PSAT1: variants seen among roughly 807,000 people sequenced by gnomAD.
The protein encoded by PSAT1 is phosphoserine aminotransferase 1.
Under a neutral mutation model 40.3 loss-of-function variants are expected in PSAT1, and 41 were observed. The ratio of observed to expected loss-of-function variants is 1.02; its 90% CI spans 0.79 to 1.32. PSAT1 has a LOEUF of 1.32. Among genes scored for constraint, PSAT1 ranks in the 40% most tolerant of loss-of-function variants. PSAT1 has a pLI of 0.00. For synonymous variants in PSAT1, 147 were observed against 170.5 expected (o/e 0.86, Z 1.07); for missense variants, 406 against 455.8 (o/e 0.89, Z 0.99).
rs1267674988 is a variant in PSAT1, at chr9:78,298,493, T to C, written c.60+1223T>C. 9.5e-6 allele frequency: 9 copies of C among 944,742 alleles called. No homozygotes were observed. In the East Asian group the frequency reaches 8.1e-4, roughly 86 times the overall value. 58.5% of individuals were successfully genotyped at this position (944,742 alleles called of 1,614,324 possible). On this transcript the variant is annotated intron_variant, in intron 1 of 8. Transcript: ENST00000376588. ...CTGAGAGGACAGGGCTTATTTTTTC[T>C]CAGTGGTTACAGTTCATTTTAGGCG...
At chr9:78,317,347 G>A (rs546065895) in intron 6 of PSAT1, among the ~76,000 whole-genome samples, 4 of 152,194 alleles carry the variant, frequency 2.6e-5, no homozygotes, top group African/African-American at 9.6e-5. Context: ...CGAACCCCTG[G>A]GCTCAAGCAT....
intron 6 of PSAT1, among the ~76,000 whole-genome samples, chr9:78,316,102 A>C (rs540669622): frequency 1.3e-5 from 2 of 152,224 alleles, no homozygotes; most frequent in East Asian, 3.9e-4. Flanking sequence ...TCTTAAGGAG[A>C]GGGGTTTTCA....
intron 6 of PSAT1, among the ~76,000 whole-genome samples, chr9:78,312,510 A>G (rs1199103861): frequency 6.6e-6 from 1 of 152,034 alleles, no homozygotes; most frequent in Non-Finnish European, 1.5e-5. Context: ...ACCCTGACCA[A>G]CATGGACAAA....
At chr9:78,298,744 A>C (rs1461823413) in intron 1 of PSAT1, among the ~76,000 whole-genome samples, 1 of 152,146 alleles carries the variant, frequency 6.6e-6, no homozygotes, top group Non-Finnish European at 1.5e-5. Context: ...GTGAGGGGGC[A>C]GGCAGATGTT....
In PSAT1 at chr9:78,329,538, T is replaced by G. The variant is rs907027317; in HGVS notation, c.*452T>G. The G allele has an allele frequency of 4.7e-6, 1 of 211,034 alleles. No homozygotes were observed. The highest frequency in any genetic ancestry group is 5.3e-5 in the Admixed American group (1 of 18,850). 13.1% of individuals were successfully genotyped at this position (211,034 alleles called of 1,614,324 possible). A position where few individuals can be genotyped will look rare whatever the true frequency, so the allele number is the denominator to read the frequency against. On this transcript the variant is annotated 3_prime_UTR_variant, in exon 9 of 9. Coordinates refer to ENST00000376588, the MANE Select transcript of PSAT1 (RefSeq NM_058179.4). ...GTTGATTCAAGGTCAACATTGACCA[T>G]TGGAGGAGTGGTTTAAGAGTGCCAG...
At position 78,300,635 on chromosome 9, in the gene PSAT1, T is replaced by C. The variant is rs373736401; in HGVS notation, c.94T>C (p.Tyr32His). The C allele has an allele frequency of 5.6e-6, 9 of 1,604,848 alleles. No individual in the cohort carries two copies. The African/African-American group carries it at 1.1e-4, about 19-fold the overall frequency. The change falls in exon 2 of 9, where the codon TAC becomes CAC. Residue 32 changes from tyrosine to histidine, a missense_variant. Transcript: ENST00000376588. ...LLEIQKELLD[Y>H]KGVGISVLEM... ...AGAGATACAAAAGGAATTATTAGACTACAAAGGAGTTGGCATTAGTGTTCT... is the reference window on the plus strand; with the variant it reads ...AGAGATACAAAAGGAATTATTAGACCACAAAGGAGTTGGCATTAGTGTTCT...
At chr9:78,323,608 G>A (rs1036780472) in intron 7 of PSAT1, among the ~76,000 whole-genome samples, 10 of 151,848 alleles carry the variant, frequency 6.6e-5, no homozygotes, top group Non-Finnish European at 1.5e-4. Flanking sequence ...AACTACAAGA[G>A]TTATATATAC....
At chr9:78,312,557 A>C (rs1313544115) in intron 6 of PSAT1, among the ~76,000 whole-genome samples, 1 of 152,054 alleles carries the variant, frequency 6.6e-6, no homozygotes, top group East Asian at 1.9e-4. Flanking sequence ...TTAGCCAGGC[A>C]TGGTGGCACA....
At chr9:78,304,690 A>G in intron 3 of PSAT1, 45 bp from the exon 4 acceptor site, 1 of 1,545,088 alleles carries the variant, frequency 6.5e-7, no homozygotes, top group Non-Finnish European at 9.0e-7. Flanking sequence ...TCAATCTTTG[A>G]CCACATGAGT....
At chr9:78,314,277 G>T (rs1215190426) in intron 6 of PSAT1, among the ~76,000 whole-genome samples, 1 of 142,604 alleles carries the variant, frequency 7.0e-6, no homozygotes, top group Non-Finnish European at 1.6e-5. Context: ...AGAGGGCTGG[G>T]TGGGAGGGGA....
intron 7 of PSAT1, 21 bp from the exon 8 acceptor site, chr9:78,328,030 A>G: frequency 6.2e-7 from 1 of 1,607,790 alleles, no homozygotes; most frequent in Non-Finnish European, 8.5e-7. Context: ...AAGTAGCTGG[A>G]ATAATAAACA....
intron 6 of PSAT1, among the ~76,000 whole-genome samples, chr9:78,314,072 G>T (rs1225279398): frequency 1.3e-5 from 2 of 152,186 alleles, no homozygotes; most frequent in African/African-American, 4.8e-5. Context: ...AGAAATGAAG[G>T]CATAAGTCTT....
At chr9:78,297,363 C>A in intron 1 of PSAT1, 93 bp downstream of exon 1, 1 of 1,416,344 alleles carries the variant, frequency 7.1e-7, no homozygotes, top group South Asian at 1.2e-5. Flanking sequence ...GTCGGATTCC[C>A]GCTCCCTGCC....
At chr9:78,301,810 T>A (rs1305673314) in intron 2 of PSAT1, 144 bp from the exon 3 acceptor site, 3 of 712,208 alleles carry the variant, frequency 4.2e-6, no homozygotes, top group Non-Finnish European at 7.6e-6. Context: ...TCCCCTAAAC[T>A]AAGTGAGCCT....
chr9:78,328,276 A>C, intron 8 of PSAT1, 88 bp downstream of exon 8: 1 of 1,514,886 alleles, frequency 6.6e-7, no homozygotes, highest in African/African-American at 1.4e-5. Flanking sequence ...GAGCCTGCTT[A>C]GCTTGGAGTA....
chr9:78,320,265 T>C (rs1160192372), intron 7 of PSAT1, among the ~76,000 whole-genome samples: 3 of 145,076 alleles, frequency 2.1e-5, no homozygotes, highest in South Asian at 2.3e-4. Context: ...GTCCACCCAT[T>C]CATCCATCCA....
At chr9:78,297,330 G>T in intron 1 of PSAT1, 60 bp downstream of exon 1, 1 of 1,537,566 alleles carries the variant, frequency 6.5e-7, no homozygotes, top group East Asian at 2.4e-5. Flanking sequence ...CACGCGGGTG[G>T]GTTTGCATCC....
At position 78,329,180 on chromosome 9, in the gene PSAT1, C is replaced by A; in HGVS notation, c.*94C>A. ...TACAAAAAGTTAACACAGTATTTTT[C>A]TCAAATGAACATGTTTATTGCAGAT... On this transcript the variant is annotated 3_prime_UTR_variant, in exon 9 of 9. Coordinates refer to ENST00000376588, the MANE Select transcript of PSAT1 (RefSeq NM_058179.4). 1 of 878,936 alleles carries A rather than the reference C, an allele frequency of 1.1e-6. No individual in the cohort carries two copies. The highest frequency in any genetic ancestry group is 1.9e-6 in the Non-Finnish European group (1 of 524,302). The allele number at this position is 878,936 out of a possible 1,614,324, so 54.4% of individuals were successfully genotyped here.
At chr9:78,309,517 T>C (rs7870991) in intron 6 of PSAT1, among the ~76,000 whole-genome samples, 47,031 of 151,922 alleles carry the variant, frequency 0.31, 7,586 homozygotes, top group East Asian at 0.45. Context: ...TGCGTGCCAC[T>C]ACGCCCAGCT....
Sources: gnomAD v4.1 joint callset for allele counts (sites outside exome capture counted in the v4.1 genomes callset) on GRCh38, gnomAD v4.1.1 for gene constraint, MANE v1.5 for transcripts, NCBI Gene and HGNC (gene_info 2026-07-23, HGNC 2026-07-21) for gene names.